The following PARVB variants were observed in gnomAD, a reference collection of about 807,000 sequenced individuals.
PARVB encodes parvin beta.
PARVB carries 46 observed loss-of-function variants against 47.0 expected under a neutral mutation model. That is an observed-to-expected ratio of 0.98 (90% CI 0.77 to 1.25). The LOEUF (loss-of-function observed/expected upper bound fraction) is 1.25, where lower values mean the gene tolerates loss of function less well. Among genes scored for constraint, PARVB ranks in the 50% most tolerant of loss-of-function variants. The probability of loss-of-function intolerance (pLI) is 0.00; values close to 1 mark genes in which losing one functional copy is unlikely to be tolerated. For synonymous variants in PARVB, 196 were observed against 196.3 expected, an observed-to-expected ratio of 1.00 and a Z score of 0.01; for missense variants, 473 against 471.6, an observed-to-expected ratio of 1.00 and a Z score of -0.03.
chr22:44,127,945 C>A (rs531807399), intron 4 of PARVB, among the ~76,000 whole-genome samples: 131 of 152,202 alleles, frequency 8.6e-4, no homozygotes, highest in African/African-American at 3.0e-3. Context: ...ACCACCATGC[C>A]CAGATAATTT....
intron 1 of PARVB, among the ~76,000 whole-genome samples, chr22:44,080,009 C>A (rs1012796977): frequency 3.3e-5 from 5 of 152,216 alleles, no homozygotes; most frequent in Non-Finnish European, 7.3e-5. Flanking sequence ...CCCGCGGCAG[C>A]CTTAGGGCCA....
chr22:44,016,315 C>G (rs1414206743), intron 2 of PARVB, among the ~76,000 whole-genome samples: 1 of 151,948 alleles, frequency 6.6e-6, no homozygotes, highest in African/African-American at 2.4e-5. Context: ...CCAGGATGGT[C>G]TCGATCTCCT....
intron 12 of PARVB, 139 bp from the exon 13 acceptor site, chr22:44,168,463 G>A: frequency 1.5e-6 from 1 of 661,602 alleles, no homozygotes; most frequent in Non-Finnish European, 2.8e-6. Context: ...CCTGGACATG[G>A]TGGTGGCCAG....
chr22:44,016,348 A>T (rs2401519), intron 2 of PARVB, among the ~76,000 whole-genome samples: 5 of 151,426 alleles, frequency 3.3e-5, no homozygotes, highest in African/African-American at 1.2e-4. Context: ...CGCCCGCCTC[A>T]GCCTCCCAAA....
In PARVB at chr22:44,024,467, C is replaced by G; in HGVS notation, c.112+16C>G. 8 of 1,141,876 alleles carry G rather than the reference C, an allele frequency of 7.0e-6. No individual in the cohort carries two copies. Among genetic ancestry groups the G allele is most frequent in the Non-Finnish European group, 8.6e-6 (8 of 928,894 alleles). 70.7% of individuals were successfully genotyped at this position (1,141,876 alleles called of 1,614,324 possible). A position where few individuals can be genotyped will look rare whatever the true frequency, so the allele number is the denominator to read the frequency against. ...GCGCGCGAGGGTGAGTGCGCGCCCG[C>G]GCCCGCCGACCCCCGGGGACCTGCC... On this transcript the variant is annotated intron_variant, in intron 1 of 12. Transcript: ENST00000338758.
At chr22:44,037,150 C>T (rs917261828) in intron 1 of PARVB, among the ~76,000 whole-genome samples, 19 of 151,764 alleles carry the variant, frequency 1.3e-4, no homozygotes, top group Non-Finnish European at 2.5e-4. Flanking sequence ...AGTGAGACCT[C>T]GTCTCTGCAA....
At chr22:44,032,322 C>T (rs755701720) in intron 1 of PARVB, among the ~76,000 whole-genome samples, 11 of 152,176 alleles carry the variant, frequency 7.2e-5, no homozygotes, top group Non-Finnish European at 1.3e-4. Flanking sequence ...CCCTGGGAAA[C>T]CAGCGGAGTC....
intron 2 of PARVB, among the ~76,000 whole-genome samples, chr22:44,018,100 G>C (rs535662721): frequency 2.0e-5 from 3 of 152,158 alleles, no homozygotes; most frequent in Non-Finnish European, 2.9e-5. Context: ...ATCCCACTGA[G>C]ATGTCAATAA....
intron 3 of PARVB, chr22:44,104,614 T>G (rs887554494): frequency 3.3e-5 from 5 of 152,330 alleles, no homozygotes; most frequent in African/African-American, 1.2e-4. Context: ...TCCTTTCTTC[T>G]GGTTTGGGAA....
chr22:44,079,585 A>T (rs2051853727), intron 1 of PARVB, among the ~76,000 whole-genome samples: 1 of 152,170 alleles, frequency 6.6e-6, no homozygotes. Flanking sequence ...TGCTGTGCTA[A>T]GCCATTCTGA....
upstream of PARVB, among the ~76,000 whole-genome samples, chr22:44,023,543 AAAATAAAATAAAATAAAATAAAATAAAAT>A (rs2050678696): frequency 4.2e-5 from 1 of 23,702 alleles, no homozygotes; most frequent in African/African-American, 1.2e-4. Context: ...AAAACAAAAT[AAAATAAAATAAAATAAAATAAAATAAAAT>A]AAAATAAAAT....
chr22:44,018,271 G>A (rs1327797702), intron 2 of PARVB, among the ~76,000 whole-genome samples: 2 of 152,000 alleles, frequency 1.3e-5, no homozygotes, highest in Non-Finnish European at 2.9e-5. Flanking sequence ...GTTTGGTGGT[G>A]GGCATCTGTA....
At position 44,094,405 on chromosome 22, in the gene PARVB, G is replaced by T. The variant is rs738481; in HGVS notation, c.202+388G>T. 5.9e-5 allele frequency among the ~76,000 whole-genome samples: 9 copies of T among 151,606 alleles called. No homozygotes were observed. The Middle Eastern group carries it at 0.02, about 344-fold the overall frequency. On this transcript the variant is annotated intron_variant, in intron 2 of 12. Coordinates refer to ENST00000338758, the MANE Select transcript of PARVB (RefSeq NM_013327.5). ...CCATGCCAAGCCACGCCACACCATA[G>T]CACACCATGCCACAGAAGGCCACAT...
chr22:44,122,861 C>T (rs183628244), intron 4 of PARVB, among the ~76,000 whole-genome samples: 2 of 152,324 alleles, frequency 1.3e-5, no homozygotes, highest in African/African-American at 4.8e-5. Context: ...CATTGTACTC[C>T]ACTGTGTGGA....
chr22:44,026,415 T>G (rs1198609168), intron 1 of PARVB: 4 of 924,576 alleles, frequency 4.3e-6, no homozygotes, highest in Non-Finnish European at 3.9e-6. Context: ...AGGGTTGGGG[T>G]GCCTGGCAAA....
At chr22:44,072,052 C>T (rs1186348769) in intron 1 of PARVB, among the ~76,000 whole-genome samples, 2 of 152,190 alleles carry the variant, frequency 1.3e-5, no homozygotes, top group Admixed American at 6.5e-5. Context: ...GTTTCTCAAG[C>T]GTCTGTGACT....
In PARVB at chr22:44,168,947, G is replaced by T. The variant is rs952698914; in HGVS notation, c.*269G>T. The T allele has an allele frequency of 2.5e-6, 1 of 398,754 alleles. No individual in the cohort carries two copies. Among genetic ancestry groups the T allele is most frequent in the East Asian group, 4.6e-5 (1 of 21,556 alleles). The allele number at this position is 398,754 out of a possible 1,614,324, so 24.7% of individuals were successfully genotyped here. A position where few individuals can be genotyped will look rare whatever the true frequency, so the allele number is the denominator to read the frequency against. ...CTCGTGCTTGCGTTTGAAGCCTCGCGTCACTCAGTCGCGTGGGATGATGAG... is the reference window on the plus strand; with the variant it reads ...CTCGTGCTTGCGTTTGAAGCCTCGCTTCACTCAGTCGCGTGGGATGATGAG... On this transcript the variant is annotated 3_prime_UTR_variant, in exon 13 of 13. Coordinates refer to ENST00000338758, the MANE Select transcript of PARVB (RefSeq NM_013327.5).
chr22:44,017,766 A>G (rs932389270), intron 2 of PARVB, among the ~76,000 whole-genome samples: 1 of 151,894 alleles, frequency 6.6e-6, no homozygotes, highest in African/African-American at 2.4e-5. Context: ...CACATCCCCC[A>G]TGAGGATGGC....
intron 2 of PARVB, among the ~76,000 whole-genome samples, chr22:44,007,288 G>T (rs1469359478): frequency 6.6e-6 from 1 of 151,958 alleles, no homozygotes; most frequent in East Asian, 1.9e-4. Flanking sequence ...GGGCTGGGGG[G>T]AGTGGAGTCT....
Sources: allele counts gnomAD v4.1 joint callset (sites outside exome capture counted in the v4.1 genomes callset), GRCh38; gene constraint gnomAD v4.1.1; transcripts MANE v1.5; gene names NCBI Gene and HGNC (gene_info 2026-07-23, HGNC 2026-07-21).